UTP18: variants seen among roughly 807,000 people sequenced by gnomAD.
UTP18 encodes the protein U3 small nucleolar RNA-associated protein 18 homolog.
Under a neutral mutation model 61.1 loss-of-function variants are expected in UTP18, and 36 were observed. The observed-to-expected ratio is 0.59, with a 90% CI of 0.45 to 0.78. The LOEUF (loss-of-function observed/expected upper bound fraction) is 0.78, where lower values mean the gene tolerates loss of function less well. Among genes scored for constraint, UTP18 ranks in the 30% least tolerant of loss-of-function variants. The probability of loss-of-function intolerance (pLI) is 0.00; values close to 1 mark genes in which losing one functional copy is unlikely to be tolerated. For synonymous variants in UTP18, 282 were observed against 251.1 expected (o/e 1.12, Z -1.16); for missense variants, 753 against 693.9 (o/e 1.09, Z -0.96).
At chr17:51,274,936 G>A (rs1383205662) in intron 5 of UTP18, among the ~76,000 whole-genome samples, 2 of 151,378 alleles carry the variant, frequency 1.3e-5, no homozygotes, top group African/African-American at 4.9e-5. Flanking sequence ...AGTGGCTCAC[G>A]CCTGTAATCC....
At chr17:51,275,166 C>CA (rs974841979) in intron 5 of UTP18, among the ~76,000 whole-genome samples, 38 of 147,104 alleles carry the variant, frequency 2.6e-4, no homozygotes, top group African/African-American at 9.7e-4. Flanking sequence ...CATTGCCCTC[C>CA]AGCCTGGGCA....
chr17:51,279,870 G>T (rs1398487843), intron 7 of UTP18, 135 bp from the exon 8 acceptor site: 4 of 693,362 alleles, frequency 5.8e-6, no homozygotes, highest in Non-Finnish European at 4.8e-6. Context: ...AGACTTATTC[G>T]GGGTCTGAGC....
Position 51,288,184 on chromosome 17 carries a change from TGAAA to T in UTP18, c.1488_1491del (p.Glu497GlnfsTer49). 6.3e-7 allele frequency: 1 copy of T among 1,590,148 alleles called. No homozygotes were observed. ...ATCTTGGCAATTGCTTCAGAAAAAA[TGAAA>T]GAAGCAGTCAGATTGGTAAATATTT... On this transcript the variant is annotated frameshift_variant, in exon 11 of 14. Coordinates refer to ENST00000225298, the MANE Select transcript of UTP18 (RefSeq NM_016001.3). LOFTEE classifies it high-confidence loss of function.
intron 5 of UTP18, 21 bp from the exon 6 acceptor site, chr17:51,275,845 C>G (rs745563374): frequency 1.3e-6 from 2 of 1,568,618 alleles, no homozygotes; most frequent in Non-Finnish European, 1.7e-6. Context: ...TTGATAAAAT[C>G]CCAGCTTTCA....
chr17:51,283,000 C>A (rs1346528831), intron 9 of UTP18, among the ~76,000 whole-genome samples: 1 of 151,372 alleles, frequency 6.6e-6, no homozygotes. Context: ...TCCTGAGTAG[C>A]TGGAATTACA....
intron 9 of UTP18, among the ~76,000 whole-genome samples, chr17:51,284,222 A>G (rs1295480896): frequency 1.3e-5 from 2 of 152,218 alleles, no homozygotes; most frequent in African/African-American, 4.8e-5. Flanking sequence ...TTGGGAGAAT[A>G]AGAGTACATA....
chr17:51,285,463 CTTTA>C, intron 10 of UTP18, 95 bp downstream of exon 10: 8 of 1,406,254 alleles, frequency 5.7e-6, no homozygotes, highest in Non-Finnish European at 6.7e-6. Context: ...GAGTAGTTCT[CTTTA>C]TAAACTATTC....
chr17:51,285,176 G>A, intron 9 of UTP18, 69 bp from the exon 10 acceptor site: 1 of 1,578,722 alleles, frequency 6.3e-7, no homozygotes, highest in South Asian at 1.1e-5. Context: ...GGGACTGAGA[G>A]TGGCCAGTTT....
chr17:51,287,894 A>G (rs906950779), intron 10 of UTP18, 135 bp from the exon 11 acceptor site: 6 of 568,884 alleles, frequency 1.1e-5, no homozygotes, highest in East Asian at 1.1e-4. Context: ...ATCTGTGGCT[A>G]TAGTGGTGAT....
At chr17:51,287,045 AG>A (rs1905138593) in intron 10 of UTP18, among the ~76,000 whole-genome samples, 1 of 141,994 alleles carries the variant, frequency 7.0e-6, no homozygotes, top group Non-Finnish European at 1.5e-5. Context: ...AGTAGTTTTA[AG>A]AACTGCATTT....
chr17:51,284,924 G>A (rs1406616968), intron 9 of UTP18, among the ~76,000 whole-genome samples: 1 of 152,034 alleles, frequency 6.6e-6, no homozygotes, highest in Non-Finnish European at 1.5e-5. Flanking sequence ...AACTACGCAT[G>A]GTGGCACAAA....
chr17:51,269,037 A>C, intron 4 of UTP18, 133 bp downstream of exon 4: 1 of 860,088 alleles, frequency 1.2e-6, no homozygotes, highest in South Asian at 1.5e-5. Context: ...CTGTCATCCC[A>C]GTGCTTTGGG....
intron 10 of UTP18, chr17:51,286,675 G>A (rs16949758): frequency 0.029 from 12,084 of 418,818 alleles, 220 homozygotes; most frequent in Admixed American, 0.043. Context: ...ACCCATACCC[G>A]TGCCAACCCT....
intron 6 of UTP18, 107 bp downstream of exon 6, chr17:51,276,098 A>C: frequency 8.6e-7 from 1 of 1,158,680 alleles, no homozygotes; most frequent in Non-Finnish European, 1.2e-6. Context: ...TTCATAGCTA[A>C]AACATCATAG....
Position 51,260,849 on chromosome 17 carries a change from C to G in UTP18, c.265C>G (p.Arg89Gly). Reference protein sequence around the residue: ...RLEEDKPAVERCLEELVFGDV... With the variant: ...RLEEDKPAVEGCLEELVFGDV... ...GGAGGAGGACAAACCGGCCGTGGAG[C>G]GGTGCTTGGAGGAGCTGGTCTTCGG... The change falls in exon 1 of 14, where the codon CGG (arginine) becomes GGG (glycine). Residue 89 changes from arginine to glycine, a missense_variant. By Grantham distance (125) the Arg-to-Gly change is moderately radical (BLOSUM62 -2). Coordinates refer to ENST00000225298, the MANE Select transcript of UTP18 (RefSeq NM_016001.3). 1 of 1,600,722 alleles carries G rather than the reference C, an allele frequency of 6.2e-7. No homozygotes were observed. The highest frequency in any genetic ancestry group is 8.5e-7 in the Non-Finnish European group (1 of 1,174,514).
intron 11 of UTP18, chr17:51,288,447 C>A: frequency 2.0e-6 from 1 of 509,162 alleles, no homozygotes; most frequent in Non-Finnish European, 3.7e-6. Context: ...CTAAAGTGGT[C>A]CTCATTTTCA....
intron 3 of UTP18, among the ~76,000 whole-genome samples, chr17:51,268,046 G>T (rs1464405010): frequency 7.4e-6 from 1 of 134,988 alleles, no homozygotes; most frequent in African/African-American, 2.8e-5. Context: ...GCCTGGCTCT[G>T]TCGCCCAGGC....
rs59857038 is a variant in UTP18, at chr17:51,281,164, A to ATATTT, written c.1204+686_1204+687insATTTT. Reference sequence around the variant, plus strand: ...AAAATATATATATATATATATATATATTTTTTTTAAACGAAAAGTTGTGTT... The same window carrying ATATTT: ...AAAATATATATATATATATATATATATATTTTTTTTTTTAAACGAAAAGTTGTGTT... On this transcript the variant is annotated intron_variant, in intron 9 of 13. Transcript: ENST00000225298. Among the ~76,000 whole-genome samples the ATATTT allele has an allele frequency of 1.1e-3, 153 of 140,424 alleles. 1 individual carries two copies. The highest frequency in any genetic ancestry group is 7.5e-3 in the Middle Eastern group (2 of 266). 92.1% of individuals were successfully genotyped at this position (140,424 alleles called of 152,430 possible).
At chr17:51,292,918 C>G (rs1023600660) in intron 11 of UTP18, among the ~76,000 whole-genome samples, 1 of 152,018 alleles carries the variant, frequency 6.6e-6, no homozygotes, top group Non-Finnish European at 1.5e-5. Flanking sequence ...CAGCCCTCTT[C>G]GAGGAGAAAT....
Sources: allele counts gnomAD v4.1 joint callset (sites outside exome capture counted in the v4.1 genomes callset), GRCh38; gene constraint gnomAD v4.1.1; transcripts MANE v1.5; gene names NCBI Gene and HGNC (gene_info 2026-07-23, HGNC 2026-07-21).